Variants in ARID1B observed in about 807,000 individuals in gnomAD.
ARID1B encodes the protein AT-rich interactive domain-containing protein 1B.
Under a neutral mutation model 212.3 loss-of-function variants are expected in ARID1B, and 30 were observed. That is an observed-to-expected ratio of 0.14 (90% CI 0.11 to 0.19). The LOEUF (loss-of-function observed/expected upper bound fraction) is 0.19. ARID1B is among the 10% of genes least tolerant of loss of function. The probability of loss-of-function intolerance (pLI) is 1.00; values close to 1 mark genes in which losing one functional copy is unlikely to be tolerated. For synonymous variants in ARID1B, 1,402 were observed against 1,301.7 expected (o/e 1.08, Z -1.66); for missense variants, 2,891 against 3,204.0 (o/e 0.90, Z 2.36).
intron 8 of ARID1B, among the ~76,000 whole-genome samples, chr6:157,152,768 C>A (rs931974128): frequency 2.3e-4 from 35 of 152,126 alleles, no homozygotes; most frequent in African/African-American, 8.2e-4. Context: ...TTTTGTTCCC[C>A]CATTGATGGC....
At chr6:156,827,864 G>A (rs1401447074) in intron 1 of ARID1B, among the ~76,000 whole-genome samples, 3 of 141,484 alleles carry the variant, frequency 2.1e-5, no homozygotes, top group Admixed American at 7.5e-5. Flanking sequence ...GGGTTCAAGC[G>A]ATTCTCCTGC....
Position 156,778,849 on chromosome 6 carries a change from GC to G in ARID1B, c.1170del (p.Gly391AlafsTer61). On this transcript the variant is annotated frameshift_variant, in exon 1 of 20. Coordinates refer to ENST00000636930, the MANE Select transcript of ARID1B (RefSeq NM_001374828.1). LOFTEE classifies it high-confidence loss of function. ...HYPGYSRPGA[G>X]GGGGGGGGGG... ...CCGGGCTACAGCCGGCCCGGCGCGGGCGGCGGCGGCGGCGGCGGCGGCGGAG... is the reference window on the plus strand; with the variant it reads ...CCGGGCTACAGCCGGCCCGGCGCGGGGGCGGCGGCGGCGGCGGCGGCGGAG... 2 of 1,342,732 alleles carry G rather than the reference GC, an allele frequency of 1.5e-6. No individual in the cohort carries two copies. 83.2% of individuals were successfully genotyped at this position (1,342,732 alleles called of 1,614,324 possible). A position where few individuals can be genotyped will look rare whatever the true frequency, so the allele number is the denominator to read the frequency against.
intron 8 of ARID1B, 114 bp downstream of exon 8, chr6:157,149,065 AC>A: frequency 1.8e-6 from 2 of 1,114,788 alleles, no homozygotes; most frequent in Non-Finnish European, 2.5e-6. Flanking sequence ...GTAGAATGTC[AC>A]TGTGCTTGGC....
chr6:156,809,814 G>A (rs1781442101), intron 1 of ARID1B, among the ~76,000 whole-genome samples: 1 of 151,660 alleles, frequency 6.6e-6, no homozygotes, highest in Non-Finnish European at 1.5e-5. Flanking sequence ...CCACCAGAAA[G>A]TGGAGCGGGC....
At chr6:156,999,468 T>G (rs1382297465) in intron 4 of ARID1B, among the ~76,000 whole-genome samples, 1 of 152,256 alleles carries the variant, frequency 6.6e-6, no homozygotes, top group Non-Finnish European at 1.5e-5. Context: ...CAGTCACTAT[T>G]ATTGTTGCAG....
At chr6:156,918,456 T>C (rs1790531348) in intron 3 of ARID1B, among the ~76,000 whole-genome samples, 1 of 152,214 alleles carries the variant, frequency 6.6e-6, no homozygotes, top group African/African-American at 2.4e-5. Context: ...CATTAATTGC[T>C]TAGTTTTTGG....
At position 156,792,401 on chromosome 6, in the gene ARID1B, C is replaced by A. The variant is rs1191572648; in HGVS notation, c.1791+12930C>A. On this transcript the variant is annotated intron_variant, in intron 1 of 19. Coordinates refer to ENST00000636930, the MANE Select transcript of ARID1B (RefSeq NM_001374828.1). ...GGAGAAGTGCTTGAGGCCAGGAGTC[C>A]AAGACCAGCCTGGGCAACATAGTGA... Among the ~76,000 whole-genome samples, 5 of 152,150 alleles carry A rather than the reference C, an allele frequency of 3.3e-5. No homozygotes were observed. The East Asian group carries it at 9.6e-4, about 29-fold the overall frequency.
chr6:156,876,591 C>T (rs988404677), intron 2 of ARID1B, among the ~76,000 whole-genome samples: 3 of 152,180 alleles, frequency 2.0e-5, no homozygotes, highest in Admixed American at 6.5e-5. Context: ...TTAAGTTGCC[C>T]GCCTGGGAAG....
chr6:157,110,364 A>G, intron 5 of ARID1B, 108 bp from the exon 6 acceptor site: 1 of 902,988 alleles, frequency 1.1e-6, no homozygotes, highest in South Asian at 1.4e-5. Context: ...ATGGGGCTAT[A>G]CCTTTTGTGA....
chr6:156,802,694 A>G (rs1174094341), intron 1 of ARID1B, among the ~76,000 whole-genome samples: 4 of 152,260 alleles, frequency 2.6e-5, no homozygotes, highest in African/African-American at 4.8e-5. Context: ...TTGAATGGCC[A>G]AAACAGATGT....
chr6:156,871,510 A>C (rs1294538307), intron 2 of ARID1B: 10 of 954,830 alleles, frequency 1.0e-5, no homozygotes, highest in Admixed American at 2.0e-5. Flanking sequence ...TGGAGTGATT[A>C]AGTTGCTCAA....
At chr6:156,789,108 A>G (rs1311465341) in intron 1 of ARID1B, among the ~76,000 whole-genome samples, 2 of 152,218 alleles carry the variant, frequency 1.3e-5, no homozygotes, top group Non-Finnish European at 2.9e-5. Context: ...CGAATGTATT[A>G]TTCATTTCCA....
chr6:157,146,730 G>GCTTTACGTCA (rs1789755968), intron 7 of ARID1B, among the ~76,000 whole-genome samples: 5 of 152,148 alleles, frequency 3.3e-5, no homozygotes, highest in Non-Finnish European at 7.3e-5. Flanking sequence ...CGTCACCTGT[G>GCTTTACGTCA]CCTAGAACAG....
intron 6 of ARID1B, among the ~76,000 whole-genome samples, chr6:157,116,752 C>G (rs530068390): frequency 5.3e-4 from 80 of 152,146 alleles, no homozygotes; most frequent in Non-Finnish European, 9.3e-4. Flanking sequence ...TCCAGAATTA[C>G]TGAATAACAG....
At chr6:157,047,496 C>G (rs1438897815) in intron 4 of ARID1B, among the ~76,000 whole-genome samples, 3 of 152,178 alleles carry the variant, frequency 2.0e-5, no homozygotes, top group East Asian at 1.9e-4. Context: ...GCGGCTGTCC[C>G]AAGATCTACC....
intron 13 of ARID1B, chr6:157,185,036 T>TGCAGCG (rs1792878044): frequency 1.9e-5 from 3 of 157,646 alleles, no homozygotes; most frequent in Non-Finnish European, 4.2e-5. Flanking sequence ...AAGTCAGGGG[T>TGCAGCG]CTTAGGAATG....
At chr6:157,133,352 C>T (rs1788683680) in intron 7 of ARID1B, 145 bp downstream of exon 7, 1 of 915,760 alleles carries the variant, frequency 1.1e-6, no homozygotes, top group Non-Finnish European at 1.6e-6. Context: ...CATACAAGCC[C>T]ACAGTACTTT....
At chr6:156,937,042 T>C (rs909536355) in intron 4 of ARID1B, 2 of 150,820 alleles carry the variant, frequency 1.3e-5, no homozygotes, top group Non-Finnish European at 2.9e-5. Context: ...GAGGGTGAAA[T>C]CTTATTGTGG....
chr6:156,993,240 C>G (rs1184020982), intron 4 of ARID1B, among the ~76,000 whole-genome samples: 2 of 152,114 alleles, frequency 1.3e-5, no homozygotes, highest in African/African-American at 4.8e-5. Context: ...TGGGGTTTCA[C>G]CATGTTGGCC....
Sources: gnomAD v4.1 joint callset for allele counts (sites outside exome capture counted in the v4.1 genomes callset) on GRCh38, gnomAD v4.1.1 for gene constraint, MANE v1.5 for transcripts, NCBI Gene and HGNC (gene_info 2026-07-23, HGNC 2026-07-21) for gene names.